The following UNC13C variants were observed in gnomAD, a reference collection of about 807,000 sequenced individuals.
UNC13C encodes the protein protein unc-13 homolog C.
A neutral mutation model predicts 245.4 loss-of-function variants in UNC13C; 174 were observed. The ratio of observed to expected loss-of-function variants is 0.71; its 90% CI spans 0.63 to 0.80. The LOEUF (loss-of-function observed/expected upper bound fraction) is 0.80. UNC13C is among the 30% of genes least tolerant of loss of function. The probability of loss-of-function intolerance (pLI) is 0.00; values close to 1 mark genes in which losing one functional copy is unlikely to be tolerated. For missense variants in UNC13C, 2,829 were observed against 2,602.9 expected, an observed-to-expected ratio of 1.09 and a Z score of -1.89; for synonymous variants, 992 against 895.1, an observed-to-expected ratio of 1.11 and a Z score of -1.93.
intron 2 of UNC13C, among the ~76,000 whole-genome samples, chr15:54,017,128 T>C (rs1475300330): frequency 1.3e-5 from 2 of 152,172 alleles, no homozygotes; most frequent in Admixed American, 6.5e-5. Flanking sequence ...AAAATCTATC[T>C]TTATAAAACA....
chr15:54,012,591 A>G (rs190914550), intron 1 of UNC13C, among the ~76,000 whole-genome samples, 57 bp from the exon 2 acceptor site: 2 of 152,360 alleles, frequency 1.3e-5, no homozygotes, highest in Admixed American at 1.3e-4. Context: ...CGTGTTGGAA[A>G]TGGAAGAAAT....
intron 30 of UNC13C, among the ~76,000 whole-genome samples, chr15:54,587,173 A>G (rs1449141256): frequency 1.3e-5 from 2 of 152,204 alleles, no homozygotes; most frequent in Non-Finnish European, 2.9e-5. Context: ...TTTTACACAA[A>G]TACTTATAAG....
intron 29 of UNC13C, among the ~76,000 whole-genome samples, chr15:54,566,723 C>A (rs1325147772): frequency 6.6e-6 from 1 of 151,292 alleles, no homozygotes; most frequent in Non-Finnish European, 1.5e-5. Flanking sequence ...TGCATCTCCC[C>A]TTGAATAGGG....
chr15:54,276,671 T>C (rs904518573), intron 10 of UNC13C, among the ~76,000 whole-genome samples: 4 of 152,130 alleles, frequency 2.6e-5, no homozygotes, highest in Non-Finnish European at 5.9e-5. Context: ...TTGTGAATTT[T>C]TTATACGTTA....
intron 25 of UNC13C, 70 bp from the exon 26 acceptor site, chr15:54,532,847 A>G (rs1393462117): frequency 9.7e-7 from 1 of 1,029,454 alleles, no homozygotes; most frequent in Non-Finnish European, 1.4e-6. Flanking sequence ...CAAAATCCTC[A>G]GGGTGAAATT....
rs565320103 is a variant in UNC13C, at chr15:54,181,613, T to C, written c.3071+37929T>C. On this transcript the variant is annotated intron_variant, in intron 4 of 32. Transcript: ENST00000260323. Reference sequence around the variant, plus strand: ...CATTGATAGTTCAATAGGAATAGCATTGAATCTGTAGATTGCTTTGGGCAG... The same window carrying C: ...CATTGATAGTTCAATAGGAATAGCACTGAATCTGTAGATTGCTTTGGGCAG... 5.5e-4 allele frequency among the ~76,000 whole-genome samples: 84 copies of C among 151,894 alleles called. 1 individual carries two copies. The highest frequency in any genetic ancestry group is 1.2e-3 in the Admixed American group (19 of 15,212).
In UNC13C at chr15:54,039,165, G is replaced by T. The variant is rs1896711884; in HGVS notation, c.2983+23279G>T. Among the ~76,000 whole-genome samples the T allele has an allele frequency of 3.9e-5, 6 of 152,066 alleles. No homozygotes were observed. In the South Asian group the frequency reaches 1.2e-3, roughly 32 times the overall value. On this transcript the variant is annotated intron_variant, in intron 2 of 32. Coordinates refer to ENST00000260323, the MANE Select transcript of UNC13C (RefSeq NM_001080534.3). ...ATTTCTGTCCAGTCTCATCGAGATT[G>T]TTTGTAATTTTTCTTCACTGTTTTG...
the UNC13C span, among the ~76,000 whole-genome samples, chr15:53,842,156 GGAAGCCTCACATAGTGAAAA>G: frequency 7.2e-5 from 11 of 152,124 alleles, no homozygotes; most frequent in African/African-American, 2.7e-4. Flanking sequence ...CAGGAGAATG[GGAAGCCTCACATAGTGAAAA>G]GAGTATTAGT....
intron 18 of UNC13C, among the ~76,000 whole-genome samples, chr15:54,407,037 T>C (rs2040308667): frequency 6.6e-6 from 1 of 152,078 alleles, no homozygotes; most frequent in South Asian, 2.1e-4. Flanking sequence ...AAATGAAAGT[T>C]GGGGCCAGAT....
intron 8 of UNC13C, among the ~76,000 whole-genome samples, chr15:54,260,599 ATG>A (rs1328531302): frequency 2.0e-5 from 3 of 148,612 alleles, no homozygotes; most frequent in Non-Finnish European, 4.5e-5. Flanking sequence ...TTATGTATAT[ATG>A]TGTGTATGTA....
At chr15:54,005,548 T>C (rs1895097231) in intron 1 of UNC13C, among the ~76,000 whole-genome samples, 1 of 152,216 alleles carries the variant, frequency 6.6e-6, no homozygotes, top group African/African-American at 2.4e-5. Flanking sequence ...ATGCCTGGCA[T>C]ATAATAGACA....
intron 14 of UNC13C, among the ~76,000 whole-genome samples, chr15:54,331,110 TAC>T (rs2038424701): frequency 6.6e-6 from 1 of 152,080 alleles, no homozygotes. Context: ...TCTGTGAAAC[TAC>T]TGAGAAAAGC....
intron 19 of UNC13C, among the ~76,000 whole-genome samples, chr15:54,445,752 C>T (rs1890777075): frequency 6.6e-6 from 1 of 152,174 alleles, no homozygotes; most frequent in Admixed American, 6.5e-5. Flanking sequence ...TGCCTGTTCA[C>T]TCTGATCGTA....
chr15:53,930,809 A>G, the UNC13C span, among the ~76,000 whole-genome samples: 1 of 152,336 alleles, frequency 6.6e-6, no homozygotes, highest in East Asian at 1.9e-4. Context: ...ACAGCCAGAC[A>G]TAGTTGCTTC....
chr15:54,475,100 A>G (rs570100237), intron 19 of UNC13C, among the ~76,000 whole-genome samples: 7 of 151,914 alleles, frequency 4.6e-5, no homozygotes, highest in Admixed American at 1.3e-4. Flanking sequence ...TAGCCAAATT[A>G]TATCACTCTG....
chr15:54,039,836 C>T (rs1367372101), intron 2 of UNC13C, among the ~76,000 whole-genome samples: 1 of 151,772 alleles, frequency 6.6e-6, no homozygotes, highest in Non-Finnish European at 1.5e-5. Context: ...ATTTGCTTCC[C>T]TTTCCAGCCC....
At chr15:54,511,064 A>T (rs1894715596) in intron 23 of UNC13C, among the ~76,000 whole-genome samples, 1 of 152,134 alleles carries the variant, frequency 6.6e-6, no homozygotes, top group Non-Finnish European at 1.5e-5. Flanking sequence ...GAGTAAGAAA[A>T]GCAGAAAGAG....
intron 2 of UNC13C, among the ~76,000 whole-genome samples, chr15:54,047,225 C>T (rs1897077023): frequency 6.6e-6 from 1 of 151,990 alleles, no homozygotes; most frequent in Non-Finnish European, 1.5e-5. Flanking sequence ...CCTTCTTACC[C>T]ATTTTAGGTA....
intron 4 of UNC13C, among the ~76,000 whole-genome samples, chr15:54,175,508 ATTTTTTTTTT>A (rs55925649): frequency 1.9e-5 from 2 of 106,044 alleles, no homozygotes; most frequent in Non-Finnish European, 3.7e-5. Context: ...TGGCCCTAGA[ATTTTTTTTTT>A]TTTTTTTTTT....
Sources: allele counts gnomAD v4.1 joint callset (sites outside exome capture counted in the v4.1 genomes callset), GRCh38; gene constraint gnomAD v4.1.1; transcripts MANE v1.5; gene names NCBI Gene and HGNC (gene_info 2026-07-23, HGNC 2026-07-21).